The following POU5F1 variants were observed in gnomAD, a reference collection of about 807,000 sequenced individuals.
POU5F1 encodes the protein POU domain, class 5, transcription factor 1.
Under a neutral mutation model 38.3 loss-of-function variants are expected in POU5F1, and 6 were observed. That is an observed-to-expected ratio of 0.16 (90% CI 0.09 to 0.31). The LOEUF is 0.31. POU5F1 is among the 10% of genes least tolerant of loss of function. The pLI is 1.00. For synonymous variants in POU5F1, 147 were observed against 194.9 expected, an observed-to-expected ratio of 0.75 and a Z score of 2.05; for missense variants, 286 against 462.6, an observed-to-expected ratio of 0.62 and a Z score of 3.50.
intron 1 of POU5F1, among the ~76,000 whole-genome samples, chr6:31,168,312 C>T (rs1213152046): frequency 6.6e-6 from 1 of 151,270 alleles, no homozygotes; most frequent in Non-Finnish European, 1.5e-5. Flanking sequence ...CTCGGCTCAC[C>T]GCAACCTCCA....
Position 31,165,727 on chromosome 6 carries a change from G to T in POU5F1, c.527-26C>A, listed in dbSNP as rs1410948036. Reference sequence around the variant, plus strand: ...CTGGGGGAGGCCAGTCAAAAGAGAAGCAAAGTGAGGGAGCACGCAGGGCCC... The same window carrying T: ...CTGGGGGAGGCCAGTCAAAAGAGAATCAAAGTGAGGGAGCACGCAGGGCCC... On this transcript the variant is annotated intron_variant, in intron 2 of 4. Transcript: ENST00000259915. This position sits in a 1 kb window ranked among gnomAD's most constrained non-coding sequence, Gnocchi z 6.5. 6.3e-7 allele frequency: 1 copy of T among 1,599,228 alleles called. No individual in the cohort carries two copies. The highest frequency in any genetic ancestry group is 1.1e-5 in the South Asian group (1 of 89,236).
chr6:31,170,051 A>G, intron 1 of POU5F1, 165 bp downstream of exon 1: 5 of 1,117,716 alleles, frequency 4.5e-6, no homozygotes, highest in Non-Finnish European at 6.3e-6. Flanking sequence ...CCTGCCTGCC[A>G]GGGCTGCCAG....
Position 31,170,269 on chromosome 6 carries a change from T to C in POU5F1, c.352A>G (p.Thr118Ala). The change falls in exon 1 of 5, where the codon ACC (threonine) becomes GCC (alanine). Residue 118 changes from threonine to alanine, a missense_variant. Physicochemically the swap from Thr to Ala is moderately conservative, Grantham distance 58 (BLOSUM62 0). Transcript: ENST00000259915. ...TTCTCCAGCTTCACGGCACCAGGGG[T>C]GACGGTGCAGGGCTCCGGGGAGGCC... ...DGASPEPCTV[T>A]PGAVKLEKEK... 1.2e-6 allele frequency: 2 copies of C among 1,612,864 alleles called. No individual in the cohort carries two copies. The highest frequency in any genetic ancestry group is 2.2e-5 in the South Asian group (2 of 91,068).
chr6:31,170,499 G>T lies in POU5F1; in HGVS notation c.122C>A (p.Pro41His). 6.3e-7 allele frequency: 1 copy of T among 1,597,136 alleles called. No individual in the cohort carries two copies. The highest frequency in any genetic ancestry group is 8.5e-7 in the Non-Finnish European group (1 of 1,172,680). The change falls in exon 1 of 5, where the codon CCT (proline) becomes CAT (histidine). Residue 41 changes from proline to histidine, a missense_variant. This residue lies in a region of POU5F1 where 176 missense variants were observed against 184.8 expected (regional missense o/e 0.95). Transcript: ENST00000259915. ...CGGCCCGATTCCTGGCCCTCCAGGA[G>T]GGCCTTGGAAGCTTAGCCAGGTCCG... The part of the protein sequence containing the change: ...DPRTWLSFQG[P>H]PGGPGIGPGV...
chr6:31,170,474 C>T lies in POU5F1; in HGVS notation c.147G>A (p.Pro49=), dbSNP rs539854667. The T allele has an allele frequency of 3.2e-5, 52 of 1,605,032 alleles. No individual in the cohort carries two copies. Among genetic ancestry groups the T allele is most frequent in the Non-Finnish European group, 4.1e-5 (48 of 1,176,576 alleles). The change falls in exon 1 of 5, where the codon CCG becomes CCA. Residue 49 remains proline (P), a synonymous_variant. Transcript: ENST00000259915. The part of the protein sequence containing the change: ...QGPPGGPGIG[P]GVGPGSEVWG... ...ACACCTCAGAGCCTGGCCCAACCCCCGGCCCGATTCCTGGCCCTCCAGGAG... is the reference window on the plus strand; with the variant it reads ...ACACCTCAGAGCCTGGCCCAACCCCTGGCCCGATTCCTGGCCCTCCAGGAG...
rs750755680 is a variant in POU5F1 at position 31,165,265 on chromosome 6, C to G, written c.679G>C (p.Val227Leu). Residue 227 changes from valine (V) to leucine (L), a missense_variant, in exon 4 of 5, where the codon GTG (valine) becomes CTG (leucine). Physicochemically the swap from Val to Leu is conservative, Grantham distance 32 (BLOSUM62 1). Coordinates refer to ENST00000259915, the MANE Select transcript of POU5F1 (RefSeq NM_002701.6). This position sits in a 1 kb window ranked among gnomAD's most constrained non-coding sequence, Gnocchi z 6.5. ...GTTCGCTTTCTCTTTCGGGCCTGCA[C>G]GAGGGTTTCTGCTTTGCATATCTGT... Reference protein sequence around the residue: ...LQEICKAETLVQARKRKRTSI... With the variant: ...LQEICKAETLLQARKRKRTSI... The G allele has an allele frequency of 1.4e-5, 22 of 1,611,054 alleles. No homozygotes were observed. Among genetic ancestry groups the G allele is most frequent in the Admixed American group, 1.7e-5 (1 of 59,818 alleles).
At chr6:31,166,944 A>C (rs201576321) in intron 1 of POU5F1, 10 of 1,110,210 alleles carry the variant, frequency 9.0e-6, no homozygotes, top group East Asian at 3.6e-5. Context: ...GTGTGTACTT[A>C]CTCATTTTTT....
At chr6:31,166,776 G>GGCAGCTTATCTAAGTTCT in intron 1 of POU5F1, 2 of 1,186,350 alleles carry the variant, frequency 1.7e-6, no homozygotes, top group Non-Finnish European at 2.1e-6. Context: ...GCTAAGTTCT[G>GGCAGCTTATCTAAGTTCT]GGTTAATTAA....
rs1223366005 is a variant in POU5F1, at chr6:31,165,100, G to A, written c.816+28C>T. ...CGAGGTGGTGACAGGGGAAAGAGAT[G>A]GAGCCCGCAGAGAGACATGGCACTC... On this transcript the variant is annotated intron_variant, in intron 4 of 4. Transcript: ENST00000259915. The surrounding 1 kb of genome is among the most constrained non-coding windows in gnomAD (Gnocchi z 6.5). 1 of 1,599,634 alleles carries A rather than the reference G, an allele frequency of 6.3e-7. No individual in the cohort carries two copies.
Position 31,166,039 on chromosome 6 carries a change from G to A in POU5F1, c.414C>T (p.Asp138=), listed in dbSNP as rs1167606498. Residue 138 remains aspartate, a synonymous_variant, in exon 2 of 5, where the codon GAC becomes GAT. Coordinates refer to ENST00000259915, the MANE Select transcript of POU5F1 (RefSeq NM_002701.6). ...CGAGTTCTTTCTGCAGAGCTTTGAT[G>A]TCCTGGGACTGGATTTTAAAAGGCA... ...KLEQNPEESQ[D]IKALQKELEQ... 6.2e-7 allele frequency: 1 copy of A among 1,614,232 alleles called. No individual in the cohort carries two copies. Among genetic ancestry groups the A allele is most frequent in the Admixed American group, 1.7e-5 (1 of 60,036 alleles).
At chr6:31,167,071 G>T in intron 1 of POU5F1, 1 of 533,226 alleles carries the variant, frequency 1.9e-6, no homozygotes, top group Middle Eastern at 2.8e-4. Context: ...ATACAAAGTG[G>T]ACAAAGAGCC....
chr6:31,168,076 A>T (rs772996801), intron 1 of POU5F1, among the ~76,000 whole-genome samples: 1 of 151,924 alleles, frequency 6.6e-6, no homozygotes, highest in Non-Finnish European at 1.5e-5. Flanking sequence ...AGTAGCTGGG[A>T]CTACAGGCAC....
intron 1 of POU5F1, among the ~76,000 whole-genome samples, chr6:31,168,976 T>C (rs1274983720): frequency 6.6e-6 from 1 of 152,186 alleles, no homozygotes; most frequent in Non-Finnish European, 1.5e-5. Flanking sequence ...TGCTTGATCA[T>C]ATCAATTTCA....
Position 31,165,757 on chromosome 6 carries a change from G to A in POU5F1, c.527-56C>T. On this transcript the variant is annotated intron_variant, in intron 2 of 4. Transcript: ENST00000259915. The surrounding 1 kb of genome is among the most constrained non-coding windows in gnomAD (Gnocchi z 6.5). ...GTGAGGGAGCACGCAGGGCCCTTGT[G>A]ACCCTGAGATCCAAGCTTACCACCT... 1 of 1,576,906 alleles carries A rather than the reference G, an allele frequency of 6.3e-7. No individual in the cohort carries two copies. Among genetic ancestry groups the A allele is most frequent in the South Asian group, 1.1e-5 (1 of 87,012 alleles).
Position 31,165,325 on chromosome 6 carries a change from G to T in POU5F1, c.658-39C>A. On this transcript the variant is annotated intron_variant, in intron 3 of 4. Coordinates refer to ENST00000259915, the MANE Select transcript of POU5F1 (RefSeq NM_002701.6). This position sits in a 1 kb window ranked among gnomAD's most constrained non-coding sequence, Gnocchi z 6.5. The stretch of plus-strand genomic sequence containing the variant: ...AAGGGGGTGACAAGGGCAAGCTTTG[G>T]ACTTGCTGAGTAACAGCATCACAGG... 3 of 1,598,582 alleles carry T rather than the reference G, an allele frequency of 1.9e-6. No individual in the cohort carries two copies. The highest frequency in any genetic ancestry group is 2.6e-6 in the Non-Finnish European group (3 of 1,171,798).
Position 31,170,422 on chromosome 6 carries a change from A to T in POU5F1, c.199T>A (p.Tyr67Asn). 6.2e-7 allele frequency: 1 copy of T among 1,612,014 alleles called. No homozygotes were observed. The highest frequency in any genetic ancestry group is 1.1e-5 in the South Asian group (1 of 91,010). ...VWGIPPCPPP[Y>N]EFCGGMAYCG... ...TACGCCATCCCCCCACAGAACTCAT[A>T]CGGCGGGGGGCATGGGGGAATCCCC... is the stretch of plus-strand genomic sequence containing the variant. Residue 67 changes from tyrosine to asparagine, a missense_variant, in exon 1 of 5, where the codon TAT becomes AAT. This residue lies in a region of POU5F1 where 176 missense variants were observed against 184.8 expected (regional missense o/e 0.95). Coordinates refer to ENST00000259915, the MANE Select transcript of POU5F1 (RefSeq NM_002701.6).
Position 31,170,673 on chromosome 6 carries a change from G to A in POU5F1, c.-53C>T, listed in dbSNP as rs1017153493. ...GCCTGGTGAAATGAGGGCTTGCGAA[G>A]GGACTACTCAACCCCTCTCTCCCTC... On this transcript the variant is annotated 5_prime_UTR_variant, in exon 1 of 5. Coordinates refer to ENST00000259915, the MANE Select transcript of POU5F1 (RefSeq NM_002701.6). The A allele has an allele frequency of 2.0e-6, 3 of 1,503,120 alleles. No individual in the cohort carries two copies. Among genetic ancestry groups the A allele is most frequent in the Admixed American group, 2.2e-5 (1 of 45,246 alleles). The allele number at this position is 1,503,120 out of a possible 1,614,324, so 93.1% of individuals were successfully genotyped here.
intron 1 of POU5F1, among the ~76,000 whole-genome samples, chr6:31,168,791 T>C (rs1477317021): frequency 6.6e-6 from 1 of 152,090 alleles, no homozygotes; most frequent in Non-Finnish European, 1.5e-5. Flanking sequence ...GGTGTCTAAA[T>C]GGCATTTAAG....
chr6:31,166,813 C>A, intron 1 of POU5F1: 1 of 1,186,920 alleles, frequency 8.4e-7, no homozygotes, highest in Non-Finnish European at 1.1e-6. Flanking sequence ...GTCTCAGAAG[C>A]TAAATTCAGT....
Sources: gnomAD v4.1 joint callset for allele counts (sites outside exome capture counted in the v4.1 genomes callset) on GRCh38, gnomAD v4.1.1 for gene constraint, gnomAD v4.1.1 regional missense constraint, Gnocchi (gnomAD v3.1) non-coding constraint, MANE v1.5 for transcripts, NCBI Gene and HGNC (gene_info 2026-07-23, HGNC 2026-07-21) for gene names.